L3MBTL4: variants seen among roughly 807,000 people sequenced by gnomAD.
L3MBTL4 encodes lethal(3)malignant brain tumor-like protein 4.
In L3MBTL4, 70 loss-of-function variants were observed where a neutral mutation model predicts 84.5. The observed-to-expected ratio is 0.83, with a 90% CI of 0.68 to 1.01. L3MBTL4 has a LOEUF of 1.01. Among genes scored for constraint, L3MBTL4 ranks in the 50% least tolerant of loss-of-function variants. The probability of loss-of-function intolerance (pLI) is 0.00; values close to 1 mark genes in which losing one functional copy is unlikely to be tolerated. For synonymous variants in L3MBTL4, 274 were observed against 259.8 expected (o/e 1.05, Z -0.52); for missense variants, 715 against 754.8 (o/e 0.95, Z 0.62).
chr18:5,996,251 T>C (rs895367306), intron 16 of L3MBTL4, among the ~76,000 whole-genome samples: 5 of 152,214 alleles, frequency 3.3e-5, no homozygotes, highest in Non-Finnish European at 7.3e-5. Context: ...ATGAATCTGA[T>C]TTTTTCCGAA....
Position 6,289,436 on chromosome 18 carries a change from C to T in L3MBTL4, c.127+12467G>A, listed in dbSNP as rs139709376. Among the ~76,000 whole-genome samples, 15 of 152,318 alleles carry T rather than the reference C, an allele frequency of 9.8e-5. No homozygotes were observed. The East Asian group carries it at 1.3e-3, about 14-fold the overall frequency. On this transcript the variant is annotated intron_variant, in intron 4 of 18. Transcript: ENST00000317931. ...TGTTTAACAGCCATCTTCTAAACTG[C>T]GCAATTCCTATTCCTAACACTTTTC...
At chr18:6,400,839 G>A (rs1214421805) in intron 1 of L3MBTL4, among the ~76,000 whole-genome samples, 1 of 152,194 alleles carries the variant, frequency 6.6e-6, no homozygotes, top group Non-Finnish European at 1.5e-5. Flanking sequence ...GAGAGGTTCA[G>A]AGAGAGACAA....
chr18:6,012,839 T>C (rs909196763), intron 16 of L3MBTL4, among the ~76,000 whole-genome samples: 1 of 152,114 alleles, frequency 6.6e-6, no homozygotes, highest in Non-Finnish European at 1.5e-5. Flanking sequence ...CAGTTTCTTG[T>C]GGGTCTGTGC....
chr18:6,217,041 C>T (rs2046356071), intron 10 of L3MBTL4, among the ~76,000 whole-genome samples: 1 of 152,152 alleles, frequency 6.6e-6, no homozygotes, highest in African/African-American at 2.4e-5. Context: ...AGCAGAAAGT[C>T]TGAAGCAATA....
intron 16 of L3MBTL4, chr18:6,030,685 T>A (rs1167898771): frequency 1.0e-6 from 1 of 964,146 alleles, no homozygotes; most frequent in Non-Finnish European, 1.2e-6. Context: ...AATAAAAAAA[T>A]TTGTTTCAAT....
At chr18:6,018,176 C>T (rs967002608) in intron 16 of L3MBTL4, among the ~76,000 whole-genome samples, 7 of 152,118 alleles carry the variant, frequency 4.6e-5, no homozygotes, top group African/African-American at 2.4e-5. Flanking sequence ...AGTGATTGAT[C>T]GGGCAGAGTC....
chr18:6,158,455 GGAAA>G (rs2043188062), intron 13 of L3MBTL4, among the ~76,000 whole-genome samples: 1 of 152,102 alleles, frequency 6.6e-6, no homozygotes, highest in African/African-American at 2.4e-5. Flanking sequence ...GCCTTAGGGT[GGAAA>G]GAGTTTGTGT....
intron 5 of L3MBTL4, among the ~76,000 whole-genome samples, chr18:6,249,673 A>G (rs2047838534): frequency 6.6e-6 from 1 of 152,236 alleles, no homozygotes; most frequent in Non-Finnish European, 1.5e-5. Context: ...TGGTTTATTC[A>G]TGAACTGACA....
rs75494089 is a variant in L3MBTL4, at chr18:6,214,266, T to A, written c.871-1007A>T. On this transcript the variant is annotated intron_variant, in intron 11 of 18. Transcript: ENST00000317931. ...GGGAGGCCGAGGTGGGCAGATCACC[T>A]GAGGTGATCTTGCTAGGAACCAAGA... 9.0e-3 allele frequency among the ~76,000 whole-genome samples: 1,371 copies of A among 152,292 alleles called. 26 individuals are homozygous for A. Among genetic ancestry groups the A allele is most frequent in the African/African-American group, 0.031 (1,308 of 41,578 alleles).
rs1555622584 is a variant in L3MBTL4, at chr18:5,981,998, G to GTGTGTGTT, written c.1445-12437_1445-12436insAACACACA. On this transcript the variant is annotated intron_variant, in intron 16 of 18. Transcript: ENST00000317931. ...TCTGTGTGTGTGTGTGTGTGTGTGT[G>GTGTGTGTT]TGTGTGTGTGTTTTGGGAAAAAAAA... is the stretch of plus-strand genomic sequence containing the variant. Among the ~76,000 whole-genome samples, 385 of 128,670 alleles carry GTGTGTGTT rather than the reference G, an allele frequency of 3.0e-3. 2 individuals are homozygous for GTGTGTGTT. The highest frequency in any genetic ancestry group is 0.011 in the African/African-American group (330 of 29,178). 84.4% of individuals were successfully genotyped at this position (128,670 alleles called of 152,430 possible).
chr18:6,224,733 G>A (rs1397676255), intron 10 of L3MBTL4, among the ~76,000 whole-genome samples: 5 of 152,078 alleles, frequency 3.3e-5, no homozygotes, highest in Admixed American at 6.6e-5. Context: ...TTATTTGGGG[G>A]TGTAGAAACA....
chr18:6,131,813 CTT>C (rs2059887514), intron 14 of L3MBTL4, among the ~76,000 whole-genome samples: 1 of 152,070 alleles, frequency 6.6e-6, no homozygotes, highest in South Asian at 2.1e-4. Flanking sequence ...AAGAACAACA[CTT>C]TTAATCTTTT....
chr18:6,404,812 C>A (rs557846712), intron 1 of L3MBTL4, among the ~76,000 whole-genome samples: 1 of 151,826 alleles, frequency 6.6e-6, no homozygotes, highest in African/African-American at 2.4e-5. Flanking sequence ...TTAACCTCCA[C>A]GTAGCTGGGA....
At chr18:6,269,439 G>A (rs536957084) in intron 4 of L3MBTL4, among the ~76,000 whole-genome samples, 3 of 151,992 alleles carry the variant, frequency 2.0e-5, no homozygotes, top group Non-Finnish European at 2.9e-5. Context: ...CTTGGGTGAC[G>A]GAGCGAGACT....
intron 4 of L3MBTL4, among the ~76,000 whole-genome samples, chr18:6,290,779 C>T (rs1273023966): frequency 2.6e-5 from 4 of 152,080 alleles, no homozygotes. Flanking sequence ...CCACCCGTCT[C>T]GGCCTCCCAA....
intron 12 of L3MBTL4, among the ~76,000 whole-genome samples, chr18:6,204,419 G>T (rs763556299): frequency 3.9e-5 from 6 of 152,168 alleles, no homozygotes; most frequent in Non-Finnish European, 8.8e-5. Flanking sequence ...TCCAGCAGCC[G>T]TGTAACTCCC....
At chr18:6,021,763 C>G (rs186366681) in intron 16 of L3MBTL4, among the ~76,000 whole-genome samples, 1 of 151,040 alleles carries the variant, frequency 6.6e-6, no homozygotes, top group African/African-American at 2.4e-5. Context: ...CCTGGTGCAG[C>G]GGGGTGGGGG....
chr18:6,126,453 A>G (rs2059698231), intron 14 of L3MBTL4, among the ~76,000 whole-genome samples: 1 of 152,220 alleles, frequency 6.6e-6, no homozygotes, highest in African/African-American at 2.4e-5. Context: ...GAAATAAACC[A>G]AAGCCATATC....
chr18:6,390,709 C>A (rs928791715), intron 1 of L3MBTL4, among the ~76,000 whole-genome samples: 1 of 152,072 alleles, frequency 6.6e-6, no homozygotes, highest in Non-Finnish European at 1.5e-5. Context: ...CCTCTATGCA[C>A]ACAAACTAGA....
Sources: allele counts gnomAD v4.1 joint callset (sites outside exome capture counted in the v4.1 genomes callset), GRCh38; gene constraint gnomAD v4.1.1; transcripts MANE v1.5; gene names NCBI Gene and HGNC (gene_info 2026-07-23, HGNC 2026-07-21).